The following DISP1 variants were observed in gnomAD, a reference collection of about 807,000 sequenced individuals.
DISP1 encodes dispatched RND transporter family member 1.
Under a neutral mutation model 37.3 loss-of-function variants are expected in DISP1, and 30 were observed. That is an observed-to-expected ratio of 0.80 (90% confidence interval 0.60 to 1.09). The LOEUF (loss-of-function observed/expected upper bound fraction) is 1.09. Among genes scored for constraint, DISP1 ranks in the 50% least tolerant of loss-of-function variants. The probability of loss-of-function intolerance (pLI) is 0.00; values close to 1 mark genes in which losing one functional copy is unlikely to be tolerated. For missense variants in DISP1, 1,598 were observed against 1,879.5 expected, an observed-to-expected ratio of 0.85 and a Z score of 2.77; for synonymous variants, 634 against 690.2, an observed-to-expected ratio of 0.92 and a Z score of 1.28.
At chr1:222,992,171 T>C in intron 7 of DISP1, 61 bp downstream of exon 7, 2 of 1,299,980 alleles carry the variant, frequency 1.5e-6, no homozygotes, top group East Asian at 4.7e-5. Context: ...AAATTGAACA[T>C]GATCACAGTC....
chr1:222,901,044 C>G (rs1362518404), intron 1 of DISP1, among the ~76,000 whole-genome samples: 1 of 152,066 alleles, frequency 6.6e-6, no homozygotes, highest in Non-Finnish European at 1.5e-5. Flanking sequence ...ATATAGTACA[C>G]AAATGGAGGG....
intron 1 of DISP1, among the ~76,000 whole-genome samples, chr1:222,860,054 C>A (rs1558297446): frequency 1.3e-5 from 2 of 151,880 alleles, no homozygotes; most frequent in Admixed American, 1.3e-4. Flanking sequence ...TTCTTTTTTT[C>A]TGTTTTGTTT....
chr1:222,933,160 C>T (rs1161335596), intron 2 of DISP1, among the ~76,000 whole-genome samples: 3 of 151,852 alleles, frequency 2.0e-5, no homozygotes, highest in East Asian at 1.9e-4. Context: ...ACTGCAATAT[C>T]GTTAAGGTTA....
intron 1 of DISP1, among the ~76,000 whole-genome samples, chr1:222,833,554 G>T (rs1328486331): frequency 6.6e-6 from 1 of 152,220 alleles, no homozygotes; most frequent in Non-Finnish European, 1.5e-5. Context: ...GGCCTGAGGA[G>T]AAGGGCGTAG....
chr1:222,999,435 C>T (rs997791379), intron 8 of DISP1, among the ~76,000 whole-genome samples: 2 of 152,100 alleles, frequency 1.3e-5, no homozygotes, highest in Non-Finnish European at 2.9e-5. Context: ...TCTTTAAGCC[C>T]CATAATATAA....
At chr1:222,910,958 CTGTAT>C (rs1471821236) in intron 1 of DISP1, among the ~76,000 whole-genome samples, 2 of 152,118 alleles carry the variant, frequency 1.3e-5, no homozygotes, top group East Asian at 3.9e-4. Flanking sequence ...ACTGGGGTAT[CTGTAT>C]TGAGATAAAT....
At chr1:222,969,121 A>G (rs148071351) in intron 3 of DISP1, among the ~76,000 whole-genome samples, 2,539 of 152,074 alleles carry the variant, frequency 0.017, 69 homozygotes, top group South Asian at 0.11. Flanking sequence ...CTGTAATCCC[A>G]GCACTTTGGG....
At chr1:222,937,605 T>C (rs1036944537) in intron 2 of DISP1, among the ~76,000 whole-genome samples, 35 of 152,300 alleles carry the variant, frequency 2.3e-4, no homozygotes, top group Admixed American at 1.6e-3. Flanking sequence ...GCCAAAGACC[T>C]TGTAGCCCCA....
intron 1 of DISP1, among the ~76,000 whole-genome samples, chr1:222,881,157 C>G (rs1320002517): frequency 1.3e-5 from 2 of 152,118 alleles, no homozygotes; most frequent in Non-Finnish European, 2.9e-5. Flanking sequence ...CTATATATCT[C>G]TAAAGCAGAA....
At chr1:222,817,802 C>T (rs1661627529) in intron 1 of DISP1, among the ~76,000 whole-genome samples, 1 of 152,198 alleles carries the variant, frequency 6.6e-6, no homozygotes, top group African/African-American at 2.4e-5. Flanking sequence ...GTTAGTAGGG[C>T]CCTGTCCATT....
intron 1 of DISP1, among the ~76,000 whole-genome samples, chr1:222,907,268 G>A (rs1002948712): frequency 1.1e-4 from 16 of 152,290 alleles, no homozygotes; most frequent in African/African-American, 3.6e-4. Context: ...TTTAGTATGA[G>A]AGCCCTAGGT....
Position 222,823,043 on chromosome 1 carries a change from G to A in DISP1, c.-159+7965G>A, listed in dbSNP as rs549518150. ...TAGACCTAATTCCAAATTACATCAG[G>A]ATGCAGAGAAAAGGGAACACTTGTA... On this transcript the variant is annotated intron_variant, in intron 1 of 8. Coordinates refer to ENST00000675850, the MANE Select transcript of DISP1 (RefSeq NM_001377229.1). Among the ~76,000 whole-genome samples, 3 of 152,254 alleles carry A rather than the reference G, an allele frequency of 2.0e-5. No homozygotes were observed. In the East Asian group the frequency reaches 5.8e-4, roughly 29 times the overall value.
At chr1:222,947,844 G>C (rs115054736) in intron 3 of DISP1, among the ~76,000 whole-genome samples, 14,472 of 152,088 alleles carry the variant, frequency 0.095, 727 homozygotes, top group South Asian at 0.18. Flanking sequence ...GATTGAATTG[G>C]GTCAGGACCG....
chr1:222,956,458 G>A (rs973172410), intron 3 of DISP1, among the ~76,000 whole-genome samples: 6 of 152,006 alleles, frequency 3.9e-5, no homozygotes, highest in African/African-American at 9.7e-5. Context: ...TATATATTCT[G>A]GATCTTTGTT....
intron 1 of DISP1, among the ~76,000 whole-genome samples, chr1:222,911,790 C>T (rs1170563758): frequency 6.6e-6 from 1 of 152,154 alleles, no homozygotes; most frequent in Non-Finnish European, 1.5e-5. Flanking sequence ...CCTCAGCCTC[C>T]CAGAGCACTA....
Position 223,003,530 on chromosome 1 carries a change from A to G in DISP1, c.2133A>G (p.Pro711=). The G allele has an allele frequency of 6.2e-7, 1 of 1,614,202 alleles. No homozygotes were observed. The highest frequency in any genetic ancestry group is 1.1e-5 in the South Asian group (1 of 91,088). ...GAATTTTTTTCGAAAAAGTATTGCC[A>G]TGCATTGTCATTAAGTTTCGCTACC... ...ASRIFFEKVL[P]CIVIKFRYLW... is the part of the protein sequence containing the mutation. Residue 711 remains proline, a synonymous_variant, in exon 9 of 9, where the codon CCA becomes CCG. Coordinates refer to ENST00000675850, the MANE Select transcript of DISP1 (RefSeq NM_001377229.1). This position sits in a 1 kb window ranked among gnomAD's most constrained non-coding sequence, Gnocchi z 4.3.
chr1:222,894,798 G>A (rs762489451), intron 1 of DISP1, among the ~76,000 whole-genome samples: 121 of 152,344 alleles, frequency 7.9e-4, no homozygotes, highest in Non-Finnish European at 1.4e-3. Flanking sequence ...TGCTACAGCC[G>A]GCGACGCTGC....
At chr1:222,865,068 C>A (rs1012742715) in intron 1 of DISP1, among the ~76,000 whole-genome samples, 2 of 151,244 alleles carry the variant, frequency 1.3e-5, no homozygotes, top group African/African-American at 2.4e-5. Context: ...CCTCAGGAAA[C>A]GTGGTATATT....
At chr1:222,862,676 G>A (rs1464904181) in intron 1 of DISP1, among the ~76,000 whole-genome samples, 1 of 151,872 alleles carries the variant, frequency 6.6e-6, no homozygotes, top group East Asian at 1.9e-4. Flanking sequence ...GAGACTACAA[G>A]TATGTGCCAC....
Sources: gnomAD v4.1 joint callset for allele counts (sites outside exome capture counted in the v4.1 genomes callset) on GRCh38, gnomAD v4.1.1 for gene constraint, Gnocchi (gnomAD v3.1) non-coding constraint, MANE v1.5 for transcripts, NCBI Gene and HGNC (gene_info 2026-07-23, HGNC 2026-07-21) for gene names.